Variants in STRN3 observed in about 807,000 individuals in gnomAD.
STRN3 encodes the protein striatin-3.
In STRN3, 29 loss-of-function variants were observed where a neutral mutation model predicts 95.6. That is an observed-to-expected ratio of 0.30 (90% CI 0.23 to 0.41). The LOEUF is 0.41. Among genes scored for constraint, STRN3 ranks in the 10% least tolerant of loss-of-function variants. The pLI is 1.00. For synonymous variants in STRN3, 331 were observed against 357.6 expected, an observed-to-expected ratio of 0.93 and a Z score of 0.84; for missense variants, 890 against 972.1, an observed-to-expected ratio of 0.92 and a Z score of 1.12.
Position 30,953,881 on chromosome 14 carries a change from G to A in STRN3, c.460+1739C>T, listed in dbSNP as rs76074302. On this transcript the variant is annotated intron_variant, in intron 3 of 17. Transcript: ENST00000357479. ...CTGGGATCAAGTGATCCAACGCCTC[G>A]GCTTCCCAAAATGCTGGGATTACAG... 5.1e-4 allele frequency among the ~76,000 whole-genome samples: 77 copies of A among 152,186 alleles called. 2 individuals carry two copies. In the East Asian group the frequency reaches 0.013, roughly 26 times the overall value.
At chr14:30,989,251 G>A (rs1881835363) in intron 1 of STRN3, among the ~76,000 whole-genome samples, 1 of 152,078 alleles carries the variant, frequency 6.6e-6, no homozygotes, top group East Asian at 1.9e-4. Context: ...AACAGATTCT[G>A]ACTACCTTCT....
intron 15 of STRN3, among the ~76,000 whole-genome samples, chr14:30,904,822 A>G (rs796698855): frequency 2.0e-5 from 3 of 152,228 alleles, no homozygotes; most frequent in Admixed American, 6.5e-5. Flanking sequence ...CTGAATTTGA[A>G]TAAGTCTTTA....
intron 1 of STRN3, chr14:31,024,996 A>T: frequency 6.6e-6 from 1 of 152,276 alleles, no homozygotes. Flanking sequence ...GGTTCACATT[A>T]TGAGGATCGA....
At chr14:30,922,507 G>A (rs1307898008) in intron 8 of STRN3, among the ~76,000 whole-genome samples, 1 of 152,108 alleles carries the variant, frequency 6.6e-6, no homozygotes, top group Non-Finnish European at 1.5e-5. Flanking sequence ...ACATACTCAT[G>A]CCATGAAATT....
At chr14:30,992,699 G>A (rs762341212) in intron 1 of STRN3, among the ~76,000 whole-genome samples, 11 of 151,466 alleles carry the variant, frequency 7.3e-5, no homozygotes, top group East Asian at 1.9e-4. Flanking sequence ...TTTTATATGC[G>A]TCTATATTCC....
At chr14:31,014,242 A>G (rs1359830614) in intron 1 of STRN3, among the ~76,000 whole-genome samples, 1 of 151,878 alleles carries the variant, frequency 6.6e-6, no homozygotes, top group Non-Finnish European at 1.5e-5. Context: ...CTGTTCTGAG[A>G]CAGAGTCTTG....
intron 10 of STRN3, among the ~76,000 whole-genome samples, chr14:30,912,949 A>G (rs1358389869): frequency 2.0e-5 from 3 of 152,202 alleles, no homozygotes; most frequent in Admixed American, 6.5e-5. Context: ...TCTAACAAGT[A>G]TAGTTAACTC....
Position 30,919,036 on chromosome 14 carries a change from T to C in STRN3, c.1170A>G (p.Ser390=), listed in dbSNP as rs544944230. 5.8e-5 allele frequency: 93 copies of C among 1,612,380 alleles called. No homozygotes were observed. The South Asian group carries it at 9.8e-4, about 17-fold the overall frequency. The change falls in exon 9 of 18, where the codon TCA becomes TCG. Residue 390 remains serine, a synonymous_variant. Coordinates refer to ENST00000357479, the MANE Select transcript of STRN3 (RefSeq NM_001083893.2). ...CTGACCTAGACTGATTAATGATTCCTGAAGGGATGTGGGGCAGCTCATCAT... is the reference window on the plus strand; with the variant it reads ...CTGACCTAGACTGATTAATGATTCCCGAAGGGATGTGGGGCAGCTCATCAT... ...LGDDELPHIP[S]GIINQSRSAS...
chr14:30,926,398 T>C (rs1034503406), intron 8 of STRN3, among the ~76,000 whole-genome samples: 1 of 152,042 alleles, frequency 6.6e-6, no homozygotes, highest in Non-Finnish European at 1.5e-5. Flanking sequence ...AATAATATTC[T>C]AGTTAAAATA....
intron 8 of STRN3, among the ~76,000 whole-genome samples, chr14:30,923,063 G>T (rs940414542): frequency 3.3e-5 from 5 of 152,202 alleles, no homozygotes; most frequent in Admixed American, 2.0e-4. Flanking sequence ...AGGGAGGAGA[G>T]AGAATATAAC....
At chr14:30,984,987 G>T (rs1485828899) in intron 1 of STRN3, among the ~76,000 whole-genome samples, 1 of 152,038 alleles carries the variant, frequency 6.6e-6, no homozygotes, top group Non-Finnish European at 1.5e-5. Context: ...AAAAAAGTTA[G>T]ATGTAATTGC....
At chr14:30,939,560 A>G (rs977443230) in intron 5 of STRN3, among the ~76,000 whole-genome samples, 3 of 152,146 alleles carry the variant, frequency 2.0e-5, no homozygotes, top group African/African-American at 7.2e-5. Flanking sequence ...AGTATCGTCA[A>G]TCTTTTGCTG....
Position 30,929,250 on chromosome 14 carries a change from T to C in STRN3, c.1050A>G (p.Lys350=). The C allele has an allele frequency of 6.2e-7, 1 of 1,613,678 alleles. No individual in the cohort carries two copies. Among genetic ancestry groups the C allele is most frequent in the Non-Finnish European group, 8.5e-7 (1 of 1,179,760 alleles). The part of the protein sequence containing the change: ...VWDVDQGLIS[K]LKEQYKKERK... ...GTTCCTTCTTGTACTGTTCCTTCAG[T>C]TTACTTATTAGTCCCTGGTCTACAT... The change falls in exon 8 of 18, where the codon AAA becomes AAG. Residue 350 remains lysine (K), a synonymous_variant. Coordinates refer to ENST00000357479, the MANE Select transcript of STRN3 (RefSeq NM_001083893.2).
intron 9 of STRN3, 76 bp downstream of exon 9, chr14:30,918,890 G>T: frequency 7.4e-7 from 1 of 1,353,782 alleles, no homozygotes; most frequent in Non-Finnish European, 9.8e-7. Flanking sequence ...TATAACAGTA[G>T]CCTAGTTGCA....
In STRN3 at chr14:30,957,688, C is replaced by A. The variant is rs981811590; in HGVS notation, c.283-1446G>T. Among the ~76,000 whole-genome samples the A allele has an allele frequency of 3.3e-5, 5 of 152,030 alleles. No homozygotes were observed. In the South Asian group the frequency reaches 8.3e-4, roughly 25 times the overall value. On this transcript the variant is annotated intron_variant, in intron 1 of 17. Transcript: ENST00000357479. ...TCCTTATTTCCTGAAAAAAGCAATT[C>A]TCTGCCTTTTTCTAGCCCTTCCCTA...
intron 8 of STRN3, among the ~76,000 whole-genome samples, chr14:30,920,683 C>A (rs1378599683): frequency 1.3e-5 from 2 of 152,136 alleles, no homozygotes; most frequent in African/African-American, 2.4e-5. Context: ...TTATGAATTA[C>A]TACAACAGAC....
intron 3 of STRN3, 73 bp from the exon 4 acceptor site, chr14:30,951,017 G>A: frequency 2.3e-6 from 3 of 1,306,774 alleles, no homozygotes; most frequent in Admixed American, 2.0e-5. Flanking sequence ...GTTTTCTTAG[G>A]GATAAATTCC....
At chr14:31,013,747 T>C (rs1191980873) in intron 1 of STRN3, among the ~76,000 whole-genome samples, 4 of 150,420 alleles carry the variant, frequency 2.7e-5, no homozygotes, top group Non-Finnish European at 3.0e-5. Context: ...CATGTCACTA[T>C]GTCTGGCTAA....
intron 13 of STRN3, among the ~76,000 whole-genome samples, chr14:30,907,658 GTCACAGTCCAC>G (rs1048706854): frequency 6.6e-6 from 1 of 152,056 alleles, no homozygotes; most frequent in Non-Finnish European, 1.5e-5. Context: ...CAGTGGCATG[GTCACAGTCCAC>G]TGCAGCCTTG....
Sources: allele counts gnomAD v4.1 joint callset (sites outside exome capture counted in the v4.1 genomes callset), GRCh38; gene constraint gnomAD v4.1.1; transcripts MANE v1.5; gene names NCBI Gene and HGNC (gene_info 2026-07-23, HGNC 2026-07-21).